CRIM1: variants seen among roughly 807,000 people sequenced by gnomAD.
CRIM1 encodes cysteine rich transmembrane BMP regulator 1.
In CRIM1, 32 loss-of-function variants were observed where a neutral mutation model predicts 116.4. That is an observed-to-expected ratio of 0.27 (90% confidence interval 0.21 to 0.37). CRIM1 has a LOEUF of 0.37. Ranked by LOEUF, CRIM1 falls within the 10% of genes least tolerant of loss-of-function variation. The pLI, the probability that CRIM1 is intolerant of heterozygous loss-of-function variation, is 1.00. For missense variants in CRIM1, 1,331 were observed against 1,354.8 expected, an observed-to-expected ratio of 0.98 and a Z score of 0.28; for synonymous variants, 590 against 509.2, an observed-to-expected ratio of 1.16 and a Z score of -2.13.
intron 2 of CRIM1, among the ~76,000 whole-genome samples, chr2:36,412,987 G>T (rs888126751): frequency 3.9e-5 from 6 of 152,172 alleles, no homozygotes; most frequent in African/African-American, 1.4e-4. Flanking sequence ...CCAGGAAAAA[G>T]GTTATAAAAT....
At chr2:36,542,540 G>A (rs1667019825) in intron 14 of CRIM1, among the ~76,000 whole-genome samples, 1 of 152,220 alleles carries the variant, frequency 6.6e-6, no homozygotes, top group South Asian at 2.1e-4. Context: ...ATCAATCCCA[G>A]CTCTGGGGCC....
intron 15 of CRIM1, 45 bp downstream of exon 15, chr2:36,544,543 C>T: frequency 3.0e-6 from 4 of 1,313,468 alleles, no homozygotes; most frequent in Middle Eastern, 2.0e-4. Flanking sequence ...TCTATGTGGT[C>T]TACTTAGGTG....
intron 13 of CRIM1, among the ~76,000 whole-genome samples, chr2:36,527,043 G>A (rs1229268307): frequency 6.6e-6 from 1 of 152,060 alleles, no homozygotes; most frequent in Non-Finnish European, 1.5e-5. Context: ...TATTTTAGAA[G>A]ATATTTCAAG....
At chr2:36,434,668 C>G (rs924241981) in intron 2 of CRIM1, among the ~76,000 whole-genome samples, 7 of 152,246 alleles carry the variant, frequency 4.6e-5, no homozygotes, top group Non-Finnish European at 8.8e-5. Flanking sequence ...CCAGCATGAC[C>G]ATGAGAATTT....
At chr2:36,479,739 T>C (rs761989136) in intron 7 of CRIM1, 45 bp downstream of exon 7, 1 of 1,558,262 alleles carries the variant, frequency 6.4e-7, no homozygotes, top group South Asian at 1.1e-5. Flanking sequence ...ATGTCTTCTG[T>C]TGGAGAAGCT....
Position 36,544,455 on chromosome 2 carries a change from G to A in CRIM1, c.2703G>A (p.Leu901=). The change falls in exon 15 of 17, where the codon CTG becomes CTA. Residue 901 remains leucine (L), a synonymous_variant. Coordinates refer to ENST00000280527, the MANE Select transcript of CRIM1 (RefSeq NM_016441.3). ...HRGEVDLEVP[L]WPTPSENDIV... ...GAGAGGTTGACCTGGAGGTTCCCCT[G>A]TGGCCCACGCCTAGTGAAAATGATA... 7.1e-7 allele frequency: 1 copy of A among 1,417,356 alleles called. No individual in the cohort carries two copies. The highest frequency in any genetic ancestry group is 9.3e-7 in the Non-Finnish European group (1 of 1,078,912). 87.8% of individuals were successfully genotyped at this position (1,417,356 alleles called of 1,614,324 possible). A position where few individuals can be genotyped will look rare whatever the true frequency, so the allele number is the denominator to read the frequency against.
At chr2:36,392,449 C>CTTTT in intron 1 of CRIM1, among the ~76,000 whole-genome samples, 1 of 148,442 alleles carries the variant, frequency 6.7e-6, no homozygotes, top group East Asian at 2.0e-4. Flanking sequence ...CTGTTTTTAA[C>CTTTT]TTTTTTTTTT....
chr2:36,438,586 C>A (rs926729103), intron 2 of CRIM1, among the ~76,000 whole-genome samples: 1 of 152,142 alleles, frequency 6.6e-6, no homozygotes, highest in South Asian at 2.1e-4. Flanking sequence ...TAGATGGATT[C>A]TCTGAGACTC....
intron 2 of CRIM1, among the ~76,000 whole-genome samples, chr2:36,429,940 G>A (rs1403432589): frequency 2.0e-5 from 3 of 152,236 alleles, no homozygotes; most frequent in Non-Finnish European, 2.9e-5. Context: ...GGGACCAGGT[G>A]AGGGAGCATT....
At chr2:36,388,441 G>T (rs1671333271) in intron 1 of CRIM1, among the ~76,000 whole-genome samples, 1 of 152,162 alleles carries the variant, frequency 6.6e-6, no homozygotes, top group Admixed American at 6.5e-5. Flanking sequence ...CCAATAAATT[G>T]TTAGCATTGT....
rs1667525873 is a variant in CRIM1 at position 36,548,619 on chromosome 2, A to T, written c.3029A>T (p.Glu1010Val). Residue 1010 changes from glutamate to valine, a missense_variant, in exon 17 of 17, where the codon GAA becomes GTA. By Grantham distance (121) the Glu-to-Val change is moderately radical. Coordinates refer to ENST00000280527, the MANE Select transcript of CRIM1 (RefSeq NM_016441.3). ...TCCCAGAGAATGCTAAGAATTGCAGAACCAGATGCAAGATTCAGTGGCTTC... is the reference window on the plus strand; with the variant it reads ...TCCCAGAGAATGCTAAGAATTGCAGTACCAGATGCAAGATTCAGTGGCTTC... ...DSSQRMLRIA[E>V]PDARFSGFYS... 4 of 1,613,088 alleles carry T rather than the reference A, an allele frequency of 2.5e-6. No individual in the cohort carries two copies. The highest frequency in any genetic ancestry group is 3.4e-6 in the Non-Finnish European group (4 of 1,179,574).
chr2:36,523,639 T>A (rs1665565397), intron 13 of CRIM1, among the ~76,000 whole-genome samples: 2 of 152,092 alleles, frequency 1.3e-5, no homozygotes, highest in Non-Finnish European at 2.9e-5. Context: ...ATAATCAGAG[T>A]AGCAGATGAA....
intron 5 of CRIM1, among the ~76,000 whole-genome samples, chr2:36,475,036 T>C (rs1260032576): frequency 6.6e-6 from 1 of 152,128 alleles, no homozygotes; most frequent in Admixed American, 6.5e-5. Context: ...AAGTAGGAGT[T>C]CTCTAACTTT....
chr2:36,512,457 A>G, intron 10 of CRIM1, 63 bp downstream of exon 10: 3 of 1,538,636 alleles, frequency 1.9e-6, no homozygotes, highest in Non-Finnish European at 2.7e-6. Flanking sequence ...CAAGGAACAT[A>G]AGGACACCCT....
chr2:36,395,088 G>C (rs1671923435), intron 1 of CRIM1, among the ~76,000 whole-genome samples: 1 of 144,966 alleles, frequency 6.9e-6, no homozygotes, highest in Non-Finnish European at 1.5e-5. Flanking sequence ...GATCTTGGCT[G>C]ACGACAACCT....
intron 2 of CRIM1, among the ~76,000 whole-genome samples, chr2:36,438,206 T>C (rs745402700): frequency 1.3e-5 from 2 of 152,016 alleles, no homozygotes; most frequent in Non-Finnish European, 2.9e-5. Flanking sequence ...AGATGTTTAA[T>C]TGAAGCATAT....
chr2:36,357,715 G>T (rs1668947185), intron 1 of CRIM1, among the ~76,000 whole-genome samples: 1 of 152,166 alleles, frequency 6.6e-6, no homozygotes, highest in Non-Finnish European at 1.5e-5. Context: ...GCATCCTGGC[G>T]AGTGAGCAGA....
At chr2:36,528,560 G>C (rs1665908717) in intron 13 of CRIM1, among the ~76,000 whole-genome samples, 1 of 152,188 alleles carries the variant, frequency 6.6e-6, no homozygotes, top group Non-Finnish European at 1.5e-5. Context: ...TGTGATTCCT[G>C]GGAACAGAGT....
intron 2 of CRIM1, among the ~76,000 whole-genome samples, chr2:36,437,098 G>A (rs1326912851): frequency 6.6e-6 from 1 of 152,226 alleles, no homozygotes; most frequent in African/African-American, 2.4e-5. Flanking sequence ...AGAGGAGGCT[G>A]GGCACGGTGG....
Sources: allele counts gnomAD v4.1 joint callset (sites outside exome capture counted in the v4.1 genomes callset), GRCh38; gene constraint gnomAD v4.1.1; transcripts MANE v1.5; gene names NCBI Gene and HGNC (gene_info 2026-07-23, HGNC 2026-07-21).